The following PTPRG variants were observed in gnomAD, a reference collection of about 807,000 sequenced individuals.
The protein encoded by PTPRG is receptor-type tyrosine-protein phosphatase gamma.
A neutral mutation model predicts 165.3 loss-of-function variants in PTPRG; 102 were observed. The ratio of observed to expected loss-of-function variants is 0.62; its 90% CI spans 0.53 to 0.73. PTPRG has a LOEUF of 0.73. PTPRG is among the 30% of genes least tolerant of loss of function. PTPRG has a pLI of 0.00. For missense variants in PTPRG, 1,866 were observed against 1,861.4 expected (o/e 1.00, Z -0.05); for synonymous variants, 675 against 669.5 (o/e 1.01, Z -0.13).
intron 2 of PTPRG, among the ~76,000 whole-genome samples, chr3:61,903,702 C>T (rs2038562319): frequency 1.3e-5 from 2 of 152,050 alleles, no homozygotes; most frequent in Non-Finnish European, 2.9e-5. Context: ...TTAAGGAAGC[C>T]CACTTAACAG....
At chr3:61,903,112 A>G (rs1237806351) in intron 2 of PTPRG, among the ~76,000 whole-genome samples, 1 of 152,124 alleles carries the variant, frequency 6.6e-6, no homozygotes, top group Non-Finnish European at 1.5e-5. Context: ...CCTTGCCTCA[A>G]ACAAACCATG....
chr3:61,932,227 A>C (rs759148372), intron 2 of PTPRG, among the ~76,000 whole-genome samples: 1 of 152,210 alleles, frequency 6.6e-6, no homozygotes, highest in Non-Finnish European at 1.5e-5. Context: ...TTGTGACCTG[A>C]GAGCTGCATC....
intron 1 of PTPRG, among the ~76,000 whole-genome samples, chr3:61,622,694 A>G (rs890957447): frequency 1.3e-5 from 2 of 152,122 alleles, no homozygotes; most frequent in Non-Finnish European, 2.9e-5. Flanking sequence ...TGTCTTTTGG[A>G]ATCTGTTTTC....
At chr3:61,638,555 G>A (rs945297870) in intron 1 of PTPRG, among the ~76,000 whole-genome samples, 7 of 145,646 alleles carry the variant, frequency 4.8e-5, no homozygotes, top group African/African-American at 1.5e-4. Flanking sequence ...TTCCCAAGTA[G>A]CTGGGACTAC....
intron 1 of PTPRG, among the ~76,000 whole-genome samples, chr3:61,654,513 T>C (rs1279918652): frequency 6.6e-6 from 1 of 151,422 alleles, no homozygotes; most frequent in Non-Finnish European, 1.5e-5. Context: ...GCCTCCTGAG[T>C]AGATGTGACT....
intron 4 of PTPRG, among the ~76,000 whole-genome samples, chr3:62,023,703 G>C (rs2041749242): frequency 1.3e-5 from 2 of 152,168 alleles, no homozygotes; most frequent in Admixed American, 1.3e-4. Context: ...AGACTGTTGA[G>C]ATTCCAAGGC....
At chr3:61,731,138 G>T (rs184727107) in intron 1 of PTPRG, among the ~76,000 whole-genome samples, 2 of 152,050 alleles carry the variant, frequency 1.3e-5, no homozygotes, top group Admixed American at 1.3e-4. Flanking sequence ...GGAACGATTT[G>T]GCTCCATAAA....
At chr3:61,608,894 C>T (rs1701086984) in intron 1 of PTPRG, among the ~76,000 whole-genome samples, 1 of 152,106 alleles carries the variant, frequency 6.6e-6, no homozygotes, top group Non-Finnish European at 1.5e-5. Flanking sequence ...AGGGGATTAT[C>T]CAAGATAATA....
chr3:62,297,313 CAT>C lies in PTPRG; in HGVS notation c.*4007_*4008del, dbSNP rs1246407468. On this transcript the variant is annotated 3_prime_UTR_variant, in exon 30 of 30. Transcript: ENST00000474889. The stretch of plus-strand genomic sequence containing the variant: ...ATCTTTACATTCCAAAAGAATCCAA[CAT>C]GTGTTATTTCTTTGAGGCAGTGATT... 6.6e-6 allele frequency: 1 copy of C among 151,882 alleles called. No individual in the cohort carries two copies. Among genetic ancestry groups the C allele is most frequent in the South Asian group, 2.1e-4 (1 of 4,824 alleles). 9.4% of individuals were successfully genotyped at this position (151,882 alleles called of 1,614,324 possible). A position where few individuals can be genotyped will look rare whatever the true frequency, so the allele number is the denominator to read the frequency against.
chr3:61,594,217 A>G (rs1306472041), intron 1 of PTPRG, among the ~76,000 whole-genome samples: 1 of 151,938 alleles, frequency 6.6e-6, no homozygotes, highest in Non-Finnish European at 1.5e-5. Flanking sequence ...TGTGGGCCAA[A>G]ATGGGTTTAA....
chr3:61,906,466 G>GA lies in PTPRG; in HGVS notation c.191-83150dup, dbSNP rs113990016. 3.2e-3 allele frequency among the ~76,000 whole-genome samples: 475 copies of GA among 148,434 alleles called. 1 individual carries two copies. The highest frequency in any genetic ancestry group is 5.1e-3 in the Non-Finnish European group (338 of 66,866). On this transcript the variant is annotated intron_variant, in intron 2 of 29. Coordinates refer to ENST00000474889, the MANE Select transcript of PTPRG (RefSeq NM_002841.4). The stretch of plus-strand genomic sequence containing the variant: ...GCTCAACTCCACCTGAAAAAAAAAG[G>GA]AAAAAAAAACATATATATATGGACT...
chr3:62,003,280 G>A (rs1479562397), intron 3 of PTPRG, 69 bp from the exon 4 acceptor site: 11 of 1,521,250 alleles, frequency 7.2e-6, no homozygotes, highest in Non-Finnish European at 9.8e-6. Flanking sequence ...TTTATTAGAA[G>A]TAACAGAAAA....
At chr3:61,884,106 C>T (rs1447396748) in intron 2 of PTPRG, among the ~76,000 whole-genome samples, 2 of 152,178 alleles carry the variant, frequency 1.3e-5, no homozygotes, top group Non-Finnish European at 2.9e-5. Flanking sequence ...TTTATAGTCA[C>T]CTCTTTCTTC....
chr3:61,652,814 G>A (rs1702392613), intron 1 of PTPRG, among the ~76,000 whole-genome samples: 3 of 152,170 alleles, frequency 2.0e-5, no homozygotes, highest in Admixed American at 2.0e-4. Flanking sequence ...GGAACATCCA[G>A]GGGTAGTCAA....
intron 2 of PTPRG, among the ~76,000 whole-genome samples, chr3:61,821,932 C>G (rs2035969499): frequency 6.6e-6 from 1 of 152,194 alleles, no homozygotes. Flanking sequence ...CAGGCTCTGC[C>G]AAGTGCGTGC....
intron 4 of PTPRG, among the ~76,000 whole-genome samples, chr3:62,032,282 CAT>C (rs1474209887): frequency 1.3e-5 from 2 of 152,226 alleles, no homozygotes; most frequent in East Asian, 1.9e-4. Flanking sequence ...CCCTGAAAGT[CAT>C]GTGGGGACAG....
At chr3:61,982,787 C>T (rs1204757425) in intron 2 of PTPRG, among the ~76,000 whole-genome samples, 1 of 152,044 alleles carries the variant, frequency 6.6e-6, no homozygotes, top group African/African-American at 2.4e-5. Context: ...TGAAATTTTA[C>T]CTGAAATAGT....
chr3:61,586,843 C>T (rs1334526961), intron 1 of PTPRG, among the ~76,000 whole-genome samples: 1 of 152,210 alleles, frequency 6.6e-6, no homozygotes, highest in Non-Finnish European at 1.5e-5. Context: ...TGTTCTCTCC[C>T]TGTTTATTCC....
At chr3:61,887,052 T>C (rs780301532) in intron 2 of PTPRG, among the ~76,000 whole-genome samples, 2 of 149,262 alleles carry the variant, frequency 1.3e-5, no homozygotes, top group Non-Finnish European at 3.0e-5. Context: ...AGGAAACATC[T>C]CTTATTTTCT....
Sources: gnomAD v4.1 joint callset for allele counts (sites outside exome capture counted in the v4.1 genomes callset) on GRCh38, gnomAD v4.1.1 for gene constraint, MANE v1.5 for transcripts, NCBI Gene and HGNC (gene_info 2026-07-23, HGNC 2026-07-21) for gene names.